SLC17A1: variants seen among roughly 807,000 people sequenced by gnomAD.
The protein encoded by SLC17A1 is solute carrier family 17 member 1.
Under a neutral mutation model 53.5 loss-of-function variants are expected in SLC17A1, and 51 were observed. The observed-to-expected ratio is 0.95, with a 90% CI of 0.76 to 1.20. The LOEUF is 1.20. Ranked by LOEUF, SLC17A1 falls within the 50% of genes most tolerant of loss-of-function variation. The pLI, the probability that SLC17A1 is intolerant of heterozygous loss-of-function variation, is 0.00. For missense variants in SLC17A1, 538 were observed against 568.2 expected, an observed-to-expected ratio of 0.95 and a Z score of 0.54; for synonymous variants, 179 against 198.8, an observed-to-expected ratio of 0.90 and a Z score of 0.84.
the SLC17A1 span, among the ~76,000 whole-genome samples, chr6:25,731,065 G>A: frequency 6.6e-6 from 1 of 152,148 alleles, no homozygotes; most frequent in Non-Finnish European, 1.5e-5. Flanking sequence ...AGTTCTGTTG[G>A]GATCAACTGG....
chr6:25,727,418 C>A, the SLC17A1 span: 1 of 665,256 alleles, frequency 1.5e-6, no homozygotes, highest in Non-Finnish European at 2.3e-6. Context: ...TTTTTTGAGG[C>A]GGAGTCTCAC....
At chr6:25,732,219 G>A in the SLC17A1 span, 6 of 336,786 alleles carry the variant, frequency 1.8e-5, no homozygotes, top group Non-Finnish European at 3.3e-5. Flanking sequence ...GGAGTGAAGC[G>A]TGATATTTAT....
the SLC17A1 span, among the ~76,000 whole-genome samples, chr6:25,739,047 G>A: frequency 2.0e-5 from 3 of 152,144 alleles, no homozygotes; most frequent in Non-Finnish European, 4.4e-5. Context: ...TCATCCCAGA[G>A]AAATGAAAAT....
downstream of SLC17A1, among the ~76,000 whole-genome samples, chr6:25,782,127 A>G (rs1339061290): frequency 6.6e-6 from 1 of 152,192 alleles, no homozygotes; most frequent in Non-Finnish European, 1.5e-5. Flanking sequence ...TTTTCACCTG[A>G]CAGCCCAAGA....
chr6:25,785,235 T>C (rs891044285), intron 12 of SLC17A1, among the ~76,000 whole-genome samples: 1 of 152,070 alleles, frequency 6.6e-6, no homozygotes, highest in Non-Finnish European at 1.5e-5. Flanking sequence ...CAAAATATTG[T>C]AGAAAGAAAT....
chr6:25,731,300 A>G, the SLC17A1 span, among the ~76,000 whole-genome samples: 12 of 152,348 alleles, frequency 7.9e-5, no homozygotes, highest in East Asian at 2.3e-3. Context: ...TACATCTACA[A>G]GGTGCTGGAG....
Position 25,830,546 on chromosome 6 carries a change from A to G in SLC17A1, c.12T>C (p.Asp4=). Reference sequence around the variant, plus strand: ...TACCTTTTTTGGGAGGCAACCGGTTATCCATTTGCATACACGGCTGAAGTT... The same window carrying G: ...TACCTTTTTTGGGAGGCAACCGGTTGTCCATTTGCATACACGGCTGAAGTT... MQM[D]NRLPPKKVPG... The change falls in exon 2 of 13, where the codon GAT becomes GAC. Residue 4 remains aspartate (D), a synonymous_variant. Transcript: ENST00000244527. The G allele has an allele frequency of 6.2e-7, 1 of 1,613,948 alleles. No individual in the cohort carries two copies. The highest frequency in any genetic ancestry group is 1.7e-5 in the Admixed American group (1 of 60,024).
Position 25,830,513 on chromosome 6 carries a change from T to C in SLC17A1, c.34+11A>G. The C allele has an allele frequency of 6.2e-7, 1 of 1,600,384 alleles. No homozygotes were observed. Among genetic ancestry groups the C allele is most frequent in the Non-Finnish European group, 8.6e-7 (1 of 1,167,480 alleles). On this transcript the variant is annotated intron_variant, in intron 2 of 12. Coordinates refer to ENST00000244527, the MANE Select transcript of SLC17A1 (RefSeq NM_005074.5). ...AGAACACCTGTTTAATGGAACAGAA[T>C]AAAGTGCTACCTTTTTTGGGAGGCA...
chr6:25,811,257 G>C (rs1408018950), intron 10 of SLC17A1, 141 bp downstream of exon 10: 2 of 831,442 alleles, frequency 2.4e-6, no homozygotes, highest in Non-Finnish European at 3.8e-6. Flanking sequence ...TGCTAAGTGT[G>C]TGAGGTAATG....
At chr6:25,777,902 T>C in the SLC17A1 span, 25 of 1,576,146 alleles carry the variant, frequency 1.6e-5, no homozygotes, top group Admixed American at 1.2e-4. Flanking sequence ...TTGGTTATAA[T>C]AGAGTACCAT....
At position 25,815,171 on chromosome 6, in the gene SLC17A1, G is replaced by GA. The variant is rs142023326; in HGVS notation, c.617-1959dup. Among the ~76,000 whole-genome samples the GA allele has an allele frequency of 6.2e-5, 7 of 112,560 alleles. No homozygotes were observed. In the East Asian group the frequency reaches 1.6e-3, roughly 26 times the overall value. The allele number at this position is 112,560 out of a possible 152,430, so 73.8% of individuals were successfully genotyped here. A position where few individuals can be genotyped will look rare whatever the true frequency, so the allele number is the denominator to read the frequency against. ...AAAGAAATAGAGAAAGAGAGAAAGA[G>GA]AAAAAAAAGAAAAAAGAGAAAGAAA... On this transcript the variant is annotated intron_variant, in intron 6 of 12. Coordinates refer to ENST00000244527, the MANE Select transcript of SLC17A1 (RefSeq NM_005074.5).
At chr6:25,753,160 A>G in the SLC17A1 span, among the ~76,000 whole-genome samples, 2 of 152,206 alleles carry the variant, frequency 1.3e-5, no homozygotes, top group Non-Finnish European at 2.9e-5. Context: ...TACTTTTCTA[A>G]CAACATTGGT....
At chr6:25,790,492 C>G (rs918560584) in intron 12 of SLC17A1, among the ~76,000 whole-genome samples, 1 of 152,106 alleles carries the variant, frequency 6.6e-6, no homozygotes, top group Non-Finnish European at 1.5e-5. Flanking sequence ...CCCCTTCAAA[C>G]TAATCCCAAG....
downstream of SLC17A1, among the ~76,000 whole-genome samples, chr6:25,781,711 G>T (rs781407172): frequency 2.0e-5 from 3 of 151,924 alleles, no homozygotes; most frequent in Non-Finnish European, 4.4e-5. Context: ...GGAGGTGCCA[G>T]GTTTTTTTAA....
At chr6:25,795,100 C>A (rs1320323635) in intron 12 of SLC17A1, among the ~76,000 whole-genome samples, 1 of 152,184 alleles carries the variant, frequency 6.6e-6, no homozygotes, top group East Asian at 1.9e-4. Context: ...ATACCTCCTG[C>A]ACTATGGCAC....
the SLC17A1 span, among the ~76,000 whole-genome samples, chr6:25,742,172 G>T: frequency 6.6e-6 from 1 of 152,200 alleles, no homozygotes; most frequent in Non-Finnish European, 1.5e-5. Context: ...ATCCGGCACA[G>T]AGACTTCTGG....
the SLC17A1 span, chr6:25,773,501 G>A: frequency 6.2e-7 from 1 of 1,613,690 alleles, no homozygotes; most frequent in Non-Finnish European, 8.5e-7. Flanking sequence ...ATTGATGTGT[G>A]CTTTCTTCCA....
the SLC17A1 span, chr6:25,773,758 T>G: frequency 6.9e-7 from 1 of 1,453,392 alleles, no homozygotes; most frequent in Non-Finnish European, 9.3e-7. Flanking sequence ...GTCTGTCCCA[T>G]AGTCACAAAA....
the SLC17A1 span, chr6:25,770,251 C>T: frequency 3.5e-5 from 57 of 1,613,960 alleles, no homozygotes; most frequent in Admixed American, 1.0e-4. Context: ...GCAGCTAATG[C>T]GGGAGTGGCC....
Sources: allele counts gnomAD v4.1 joint callset (sites outside exome capture counted in the v4.1 genomes callset), GRCh38; gene constraint gnomAD v4.1.1; transcripts MANE v1.5; gene names NCBI Gene and HGNC (gene_info 2026-07-23, HGNC 2026-07-21).